The following CHST6 variants were observed in gnomAD, a reference collection of about 807,000 sequenced individuals.
The protein encoded by CHST6 is carbohydrate sulfotransferase 6.
For missense variants in CHST6, 698 were observed against 586.2 expected (o/e 1.19, Z -1.97); for synonymous variants, 309 against 276.4 (o/e 1.12, Z -1.17).
chr16:75,487,203 G>A (rs1009377528), intron 1 of CHST6, among the ~76,000 whole-genome samples: 8 of 152,164 alleles, frequency 5.3e-5, no homozygotes, highest in Admixed American at 2.6e-4. Flanking sequence ...CCATTTCTTG[G>A]CCTGGCCTGA....
At position 75,474,841 on chromosome 16, in the gene CHST6, G is replaced by T. The variant is rs1251644518; in HGVS notation, c.*3800C>A. 6 of 393,764 alleles carry T rather than the reference G, an allele frequency of 1.5e-5. No individual in the cohort carries two copies. In the East Asian group the frequency reaches 1.8e-4, roughly 12 times the overall value. 24.4% of individuals were successfully genotyped at this position (393,764 alleles called of 1,614,324 possible). The stretch of plus-strand genomic sequence containing the variant: ...GACAGACTCTCGCTTTGTTGCCCAG[G>T]CTGGAGTACAGTGGTGCGATCTCAG... On this transcript the variant is annotated 3_prime_UTR_variant, in exon 3 of 3. Coordinates refer to ENST00000332272, the MANE Select transcript of CHST6 (RefSeq NM_021615.5).
intron 1 of CHST6, among the ~76,000 whole-genome samples, chr16:75,492,660 C>G (rs530661498): frequency 2.8e-4 from 42 of 152,180 alleles, no homozygotes; most frequent in African/African-American, 1.0e-3. Flanking sequence ...ACCAGCCTGG[C>G]CAAACATGGT....
chr16:75,477,694 C>T lies in CHST6; in HGVS notation c.*947G>A, dbSNP rs765563501. 2 of 152,516 alleles carry T rather than the reference C, an allele frequency of 1.3e-5. No individual in the cohort carries two copies. Among genetic ancestry groups the T allele is most frequent in the Non-Finnish European group, 2.9e-5 (2 of 68,270 alleles). 9.4% of individuals were successfully genotyped at this position (152,516 alleles called of 1,614,324 possible). ...GCCCCCAGAGCTAGGAGGTGTGGCT[C>T]ACAGGCAGGGATCATCCTCTGCTTT... On this transcript the variant is annotated 3_prime_UTR_variant, in exon 3 of 3. Coordinates refer to ENST00000332272, the MANE Select transcript of CHST6 (RefSeq NM_021615.5).
At chr16:75,482,906 C>T (rs1268236895) in intron 1 of CHST6, among the ~76,000 whole-genome samples, 1 of 152,190 alleles carries the variant, frequency 6.6e-6, no homozygotes, top group Non-Finnish European at 1.5e-5. Context: ...CTGGGAAAAC[C>T]TGGAAGACAG....
intron 1 of CHST6, among the ~76,000 whole-genome samples, chr16:75,489,173 C>T (rs543721071): frequency 5.9e-5 from 9 of 151,396 alleles, no homozygotes; most frequent in Non-Finnish European, 1.2e-4. Flanking sequence ...CCGAGGCGGG[C>T]GGATTACCTG....
At position 75,475,543 on chromosome 16, in the gene CHST6, TCA is replaced by T. The variant is rs1344955566; in HGVS notation, c.*3096_*3097del. Reference sequence around the variant, plus strand: ...AAACCTTCCTGTTGGGACTGCACTCTCACAGAGATATAAGACATACGTGATCA... The same window carrying T: ...AAACCTTCCTGTTGGGACTGCACTCTCAGAGATATAAGACATACGTGATCA... On this transcript the variant is annotated 3_prime_UTR_variant, in exon 3 of 3. Transcript: ENST00000332272. 2 of 152,280 alleles carry T rather than the reference TCA, an allele frequency of 1.3e-5. No homozygotes were observed. The allele number at this position is 152,280 out of a possible 1,614,324, so 9.4% of individuals were successfully genotyped here.
At chr16:75,479,974 G>A in intron 2 of CHST6, 130 bp from the exon 3 acceptor site, 1 of 759,526 alleles carries the variant, frequency 1.3e-6, no homozygotes, top group Non-Finnish European at 2.1e-6. Context: ...TGGTCTCAGT[G>A]GGGAGCTCTC....
intron 1 of CHST6, among the ~76,000 whole-genome samples, chr16:75,483,951 G>C (rs1300367309): frequency 6.6e-6 from 1 of 152,122 alleles, no homozygotes. Context: ...TTGAGCCTAG[G>C]AGGCACAGGT....
At position 75,487,022 on chromosome 16, in the gene CHST6, G is replaced by C. The variant is rs187762639; in HGVS notation, c.-91-5131C>G. Among the ~76,000 whole-genome samples, 289 of 152,310 alleles carry C rather than the reference G, an allele frequency of 1.9e-3. 4 individuals are homozygous for C. The highest frequency in any genetic ancestry group is 1.4e-3 in the Non-Finnish European group (92 of 68,032). ...GAATCCTGACTGAAGAAGATAGTAAGAGTCATGTCAAGGAATGTCCCAAAC... is the reference window on the plus strand; with the variant it reads ...GAATCCTGACTGAAGAAGATAGTAACAGTCATGTCAAGGAATGTCCCAAAC... On this transcript the variant is annotated intron_variant, in intron 1 of 2. Transcript: ENST00000332272.
At chr16:75,479,903 A>G in intron 2 of CHST6, 59 bp from the exon 3 acceptor site, 2 of 1,436,832 alleles carry the variant, frequency 1.4e-6, no homozygotes, top group South Asian at 2.5e-5. Flanking sequence ...CCCGTACCCC[A>G]CTGCCCAGTG....
chr16:75,489,398 C>CAAAAAAAAAAAA lies in CHST6; in HGVS notation c.-92+5530_-92+5541dup, dbSNP rs901241278. Reference sequence around the variant, plus strand: ...TGGGCAACAAAGCAAGACTCTGTCTCAAAAAAAAAAAAAAAAAAAAAGAAA... The same window carrying CAAAAAAAAAAAA: ...TGGGCAACAAAGCAAGACTCTGTCTCAAAAAAAAAAAAAAAAAAAAAAAAAAAAAAAAAGAAA... On this transcript the variant is annotated intron_variant, in intron 1 of 2. Coordinates refer to ENST00000332272, the MANE Select transcript of CHST6 (RefSeq NM_021615.5). Among the ~76,000 whole-genome samples the CAAAAAAAAAAAA allele has an allele frequency of 5.2e-4, 30 of 57,912 alleles. 1 individual carries two copies. Among genetic ancestry groups the CAAAAAAAAAAAA allele is most frequent in the Non-Finnish European group, 8.9e-4 (24 of 26,826 alleles). 38.0% of individuals were successfully genotyped at this position (57,912 alleles called of 152,430 possible).
intron 2 of CHST6, among the ~76,000 whole-genome samples, chr16:75,480,658 G>C (rs554942254): frequency 6.6e-6 from 1 of 152,060 alleles, no homozygotes; most frequent in African/African-American, 2.4e-5. Context: ...GCTGGGCGTG[G>C]TGGCTCACGC....
In CHST6 at chr16:75,479,332, C is replaced by A. The variant is rs72547542; in HGVS notation, c.497G>T (p.Arg166Leu). 6.2e-6 allele frequency: 10 copies of A among 1,612,632 alleles called. No homozygotes were observed. Among genetic ancestry groups the A allele is most frequent in the Admixed American group, 1.7e-5 (1 of 59,986 alleles). Reference protein sequence around the residue: ...QSFTLAREACRSYSHVVLKEV... With the variant: ...QSFTLAREACLSYSHVVLKEV... ...CTTGAGCACCACGTGGCTGTAGGAG[C>A]GGCAGGCCTCCCGGGCCAGGGTGAA... The change falls in exon 3 of 3, where the codon CGC becomes CTC. Residue 166 changes from arginine to leucine, a missense_variant. Arg to Leu is a moderately radical substitution (Grantham distance 102, BLOSUM62 -2). Coordinates refer to ENST00000332272, the MANE Select transcript of CHST6 (RefSeq NM_021615.5).
At chr16:75,484,810 C>T (rs2080178225) in intron 1 of CHST6, among the ~76,000 whole-genome samples, 1 of 152,080 alleles carries the variant, frequency 6.6e-6, no homozygotes, top group African/African-American at 2.4e-5. Context: ...CGCCACTGTA[C>T]TCCAGCCTGG....
intron 2 of CHST6, among the ~76,000 whole-genome samples, chr16:75,481,303 G>A (rs2080139201): frequency 6.6e-6 from 1 of 150,528 alleles, no homozygotes; most frequent in Admixed American, 6.7e-5. Flanking sequence ...ATCAAAATGA[G>A]CAAATAAGTC....
At chr16:75,483,627 A>G (rs998578466) in intron 1 of CHST6, among the ~76,000 whole-genome samples, 11 of 152,128 alleles carry the variant, frequency 7.2e-5, no homozygotes, top group Non-Finnish European at 1.6e-4. Context: ...CTATCATCCC[A>G]AGTCCCTGGG....
Position 75,478,590 on chromosome 16 carries a change from C to T in CHST6, c.*51G>A. Reference sequence around the variant, plus strand: ...TCTCCGTGCGCCCCAGCCCCCTCTGCACCATGCACTCTCCTCCCGGGCCTA... The same window carrying T: ...TCTCCGTGCGCCCCAGCCCCCTCTGTACCATGCACTCTCCTCCCGGGCCTA... On this transcript the variant is annotated 3_prime_UTR_variant, in exon 3 of 3. Transcript: ENST00000332272. 1 of 1,588,388 alleles carries T rather than the reference C, an allele frequency of 6.3e-7. No homozygotes were observed. The highest frequency in any genetic ancestry group is 8.6e-7 in the Non-Finnish European group (1 of 1,157,414).
At chr16:75,488,870 A>G (rs1035904454) in intron 1 of CHST6, among the ~76,000 whole-genome samples, 1 of 151,942 alleles carries the variant, frequency 6.6e-6, no homozygotes, top group Non-Finnish European at 1.5e-5. Flanking sequence ...CTGGGCAACA[A>G]GAGTGAAACT....
chr16:75,490,574 A>C (rs535486556), intron 1 of CHST6: 1 of 152,342 alleles, frequency 6.6e-6, no homozygotes, highest in African/African-American at 2.4e-5. Flanking sequence ...AGAAGGTTAC[A>C]ATCTTAAAAA....
Sources: gnomAD v4.1 joint callset for allele counts (sites outside exome capture counted in the v4.1 genomes callset) on GRCh38, gnomAD v4.1.1 for gene constraint, MANE v1.5 for transcripts, NCBI Gene and HGNC (gene_info 2026-07-23, HGNC 2026-07-21) for gene names.